The following PYHIN1 variants were observed in gnomAD, a reference collection of about 807,000 sequenced individuals.
PYHIN1 encodes pyrin and HIN domain family member 1.
In PYHIN1, 32 loss-of-function variants were observed where a neutral mutation model predicts 43.7. The ratio of observed to expected loss-of-function variants is 0.73; its 90% confidence interval spans 0.55 to 0.98. The LOEUF is 0.98. PYHIN1 is among the 50% of genes least tolerant of loss of function. PYHIN1 has a pLI of 0.00. For missense variants in PYHIN1, 588 were observed against 589.5 expected, an observed-to-expected ratio of 1.00 and a Z score of 0.03; for synonymous variants, 205 against 203.1, an observed-to-expected ratio of 1.01 and a Z score of -0.08.
chr1:158,969,002 C>T (rs924576276), intron 7 of PYHIN1, among the ~76,000 whole-genome samples: 7 of 151,966 alleles, frequency 4.6e-5, no homozygotes, highest in Non-Finnish European at 1.5e-5. Context: ...CTGTGACATG[C>T]AGTTTACCTA....
chr1:158,961,478 G>A (rs1195738079), intron 7 of PYHIN1, among the ~76,000 whole-genome samples: 1 of 152,110 alleles, frequency 6.6e-6, no homozygotes, highest in African/African-American at 2.4e-5. Flanking sequence ...AGAGTAGCAA[G>A]TAAATGCTAG....
chr1:158,938,940 T>C (rs1011780748), intron 3 of PYHIN1, 140 bp from the exon 4 acceptor site: 1 of 561,540 alleles, frequency 1.8e-6, no homozygotes, highest in East Asian at 3.2e-5. Flanking sequence ...TATGCCATGT[T>C]CTTTCAATTG....
intron 1 of PYHIN1, among the ~76,000 whole-genome samples, chr1:158,932,487 G>A (rs918556550): frequency 6.6e-6 from 1 of 152,076 alleles, no homozygotes; most frequent in East Asian, 1.9e-4. Flanking sequence ...ACAAGATAAT[G>A]ATGTGCACAA....
chr1:158,951,756 AT>A (rs147364224), intron 7 of PYHIN1, among the ~76,000 whole-genome samples: 16,962 of 151,730 alleles, frequency 0.11, 1,102 homozygotes, highest in Non-Finnish European at 0.12. Context: ...GCAATCAGGA[AT>A]TTTTTTTTCT....
Position 158,944,982 on chromosome 1 carries a change from A to G in PYHIN1, c.1299A>G (p.Glu433=). The G allele has an allele frequency of 6.2e-7, 1 of 1,613,924 alleles. No homozygotes were observed. Among genetic ancestry groups the G allele is most frequent in the Non-Finnish European group, 8.5e-7 (1 of 1,179,864 alleles). Reference sequence around the variant, plus strand: ...CAGAGGCCAGCACAACCCTACCTGAAAGCCATCTCAAGACTCCTCAGATGC... The same window carrying G: ...CAGAGGCCAGCACAACCCTACCTGAGAGCCATCTCAAGACTCCTCAGATGC... ...KPSEASTTLP[E]SHLKTPQMPP... is the part of the protein sequence containing the mutation. Residue 433 remains glutamate, a synonymous_variant, in exon 7 of 9, where the codon GAA becomes GAG. Transcript: ENST00000368140.
intron 7 of PYHIN1, among the ~76,000 whole-genome samples, chr1:158,957,712 A>G (rs1181278878): frequency 5.5e-5 from 8 of 145,210 alleles, no homozygotes; most frequent in African/African-American, 2.1e-4. Context: ...CTTCATGTCT[A>G]AAACACCAAA....
chr1:158,982,859 C>T, the PYHIN1 span, among the ~76,000 whole-genome samples: 5 of 151,972 alleles, frequency 3.3e-5, no homozygotes, highest in African/African-American at 7.2e-5. Flanking sequence ...CTTTTACCTC[C>T]CAGGTTAGCT....
intron 7 of PYHIN1, among the ~76,000 whole-genome samples, chr1:158,955,026 G>A (rs1314015464): frequency 6.6e-6 from 1 of 152,054 alleles, no homozygotes; most frequent in Admixed American, 6.5e-5. Context: ...TAATGATAAA[G>A]GGATCAATTC....
chr1:158,984,075 T>C, the PYHIN1 span, among the ~76,000 whole-genome samples: 1 of 148,802 alleles, frequency 6.7e-6, no homozygotes, highest in African/African-American at 2.5e-5. Context: ...GGTCTATATA[T>C]CTTATTCTTT....
intron 7 of PYHIN1, among the ~76,000 whole-genome samples, chr1:158,967,790 C>G (rs759626095): frequency 3.3e-5 from 5 of 151,966 alleles, no homozygotes; most frequent in Non-Finnish European, 5.9e-5. Context: ...AATAAGGCCG[C>G]CCACCTACAA....
chr1:158,976,402 T>A lies in PYHIN1; in HGVS notation c.*6-299T>A, dbSNP rs141603005. Among the ~76,000 whole-genome samples the A allele has an allele frequency of 2.3e-3, 350 of 152,170 alleles. 2 individuals carry two copies. The highest frequency in any genetic ancestry group is 0.017 in the South Asian group (81 of 4,824). On this transcript the variant is annotated intron_variant, in intron 8 of 8. Coordinates refer to ENST00000368140, the MANE Select transcript of PYHIN1 (RefSeq NM_152501.5). ...ATGAGAAGTTTCCCTTTAGCCCTTG[T>A]CGTTGGACACACCAGCTCCTTTCTC...
the PYHIN1 span, among the ~76,000 whole-genome samples, chr1:158,988,834 A>G: frequency 1.3e-5 from 2 of 152,238 alleles, no homozygotes; most frequent in East Asian, 3.8e-4. Flanking sequence ...TATTCTATTC[A>G]CATTGCAGAG....
chr1:158,989,174 G>A, the PYHIN1 span, among the ~76,000 whole-genome samples: 1 of 152,170 alleles, frequency 6.6e-6, no homozygotes, highest in Non-Finnish European at 1.5e-5. Context: ...TTCACAGATG[G>A]AGAGGACTTT....
the PYHIN1 span, among the ~76,000 whole-genome samples, chr1:158,987,394 T>A: frequency 8.5e-5 from 13 of 152,312 alleles, no homozygotes; most frequent in African/African-American, 2.6e-4. Context: ...TCTTTGCCTA[T>A]TTTTTATTTA....
chr1:158,938,776 G>A (rs1171984169), intron 3 of PYHIN1, among the ~76,000 whole-genome samples: 2 of 152,114 alleles, frequency 1.3e-5, no homozygotes, highest in Admixed American at 1.3e-4. Context: ...CTCCAATAGA[G>A]AAGGATGTTA....
chr1:158,975,984 G>A (rs1316888715), intron 8 of PYHIN1, among the ~76,000 whole-genome samples: 1 of 151,936 alleles, frequency 6.6e-6, no homozygotes, highest in Non-Finnish European at 1.5e-5. Flanking sequence ...ATTATTTGTG[G>A]TACACAATGA....
downstream of PYHIN1, among the ~76,000 whole-genome samples, chr1:158,980,506 T>C (rs1651449840): frequency 6.6e-6 from 1 of 152,054 alleles, no homozygotes; most frequent in South Asian, 2.1e-4. Flanking sequence ...ATTAATACCC[T>C]GGGAATGGAA....
At chr1:158,955,803 G>T (rs1102008) in intron 7 of PYHIN1, among the ~76,000 whole-genome samples, 41,471 of 51,046 alleles carry the variant, frequency 0.81, 17,458 homozygotes, top group East Asian at 0.96. Flanking sequence ...AAAAAATTAA[G>T]GAATCCAGGA....
downstream of PYHIN1, among the ~76,000 whole-genome samples, chr1:158,977,301 C>G (rs1386697204): frequency 6.6e-6 from 1 of 151,958 alleles, no homozygotes; most frequent in Non-Finnish European, 1.5e-5. Context: ...TTGCTCTAGC[C>G]AAAACTAGAG....
Sources: gnomAD v4.1 joint callset for allele counts (sites outside exome capture counted in the v4.1 genomes callset) on GRCh38, gnomAD v4.1.1 for gene constraint, MANE v1.5 for transcripts, NCBI Gene and HGNC (gene_info 2026-07-23, HGNC 2026-07-21) for gene names.